OTOP2: variants seen among roughly 807,000 people sequenced by gnomAD.
The protein encoded by OTOP2 is proton channel OTOP2.
In OTOP2, 41 loss-of-function variants were observed where a neutral mutation model predicts 47.4. That is an observed-to-expected ratio of 0.87 (90% CI 0.67 to 1.12). OTOP2 has a LOEUF of 1.12. OTOP2 is among the 50% of genes most tolerant of loss of function. The probability of loss-of-function intolerance (pLI) is 0.00; values close to 1 mark genes in which losing one functional copy is unlikely to be tolerated. For synonymous variants in OTOP2, 328 were observed against 319.6 expected, an observed-to-expected ratio of 1.03 and a Z score of -0.28; for missense variants, 721 against 752.2, an observed-to-expected ratio of 0.96 and a Z score of 0.49.
intron 6 of OTOP2, among the ~76,000 whole-genome samples, chr17:74,931,707 C>G (rs1398742303): frequency 2.0e-5 from 3 of 152,150 alleles, no homozygotes; most frequent in South Asian, 2.1e-4. Flanking sequence ...GTAATCCCAG[C>G]ACTTTGGGAG....
Position 74,930,428 on chromosome 17 carries a change from G to A in OTOP2, c.793G>A (p.Val265Met). The A allele has an allele frequency of 6.2e-7, 1 of 1,614,174 alleles. No individual in the cohort carries two copies. Among genetic ancestry groups the A allele is most frequent in the Non-Finnish European group, 8.5e-7 (1 of 1,180,016 alleles). The change falls in exon 6 of 7, where the codon GTG (valine) becomes ATG (methionine). Residue 265 changes from valine (V) to methionine (M), a missense_variant. Transcript: ENST00000331427. The surrounding 1 kb of genome is among the most constrained non-coding windows in gnomAD (Gnocchi z 4.0). ...STMLYVMWKN[V>M]GRFLASTPGH... ...CATGCTGTATGTCATGTGGAAGAAT[G>A]TGGGTAGATTCCTGGCCTCCACCCC...
At chr17:74,931,226 C>T (rs750742592) in intron 6 of OTOP2, 73 bp downstream of exon 6, 21 of 1,509,096 alleles carry the variant, frequency 1.4e-5, no homozygotes, top group Non-Finnish European at 1.8e-5. Context: ...AGGCTTAAGC[C>T]CTTAGCCTTC....
At chr17:74,926,919 A>G (rs2039012992) in intron 3 of OTOP2, among the ~76,000 whole-genome samples, 1 of 151,778 alleles carries the variant, frequency 6.6e-6, no homozygotes, top group Non-Finnish European at 1.5e-5. Context: ...CCATGCCCAG[A>G]TAATTTTTTG....
chr17:74,928,822 C>T (rs140180723), intron 5 of OTOP2, among the ~76,000 whole-genome samples: 45 of 152,334 alleles, frequency 3.0e-4, no homozygotes, highest in African/African-American at 6.5e-4. Flanking sequence ...AAGACATGCA[C>T]GCTCCTAGCA....
At chr17:74,927,986 G>A (rs2039025141) in intron 5 of OTOP2, 188 bp downstream of exon 5, 1 of 771,130 alleles carries the variant, frequency 1.3e-6, no homozygotes, top group East Asian at 2.9e-5. Flanking sequence ...GGAAGTATCA[G>A]GGGTACCCTT....
chr17:74,930,321 G>T lies in OTOP2; in HGVS notation c.686G>T (p.Ser229Ile). ...NPVGGDSCLC[S>I]TAVCQIFQQG... The stretch of plus-strand genomic sequence containing the variant: ...GTCGGAGGAGACTCCTGCCTCTGCA[G>T]CACGGCCGTCTGCCAGATCTTCCAG... Residue 229 changes from serine to isoleucine, a missense_variant, in exon 6 of 7, where the codon AGC becomes ATC. By Grantham distance (142) the Ser-to-Ile change is moderately radical (BLOSUM62 -2). Coordinates refer to ENST00000331427, the MANE Select transcript of OTOP2 (RefSeq NM_178160.3). The surrounding 1 kb of genome is among the most constrained non-coding windows in gnomAD (Gnocchi z 4.0). 1.2e-6 allele frequency: 2 copies of T among 1,614,078 alleles called. No homozygotes were observed. The highest frequency in any genetic ancestry group is 1.7e-6 in the Non-Finnish European group (2 of 1,179,974).
Position 74,925,560 on chromosome 17 carries a change from G to T in OTOP2, c.318G>T (p.Gly106=). The T allele has an allele frequency of 6.2e-7, 1 of 1,613,914 alleles. No individual in the cohort carries two copies. Among genetic ancestry groups the T allele is most frequent in the Non-Finnish European group, 8.5e-7 (1 of 1,179,904 alleles). ...CCACCCACCCCTGGTTTCCAGGTGG[G>T]CTGGTGCTGTTTGGAATCTGCACCC... ...AHAGPIWLRG[G]LVLFGICTLI... The change falls in exon 3 of 7, where the codon GGG becomes GGT. Residue 106 remains glycine, a synonymous_variant. Coordinates refer to ENST00000331427, the MANE Select transcript of OTOP2 (RefSeq NM_178160.3).
chr17:74,932,949 T>C (rs1456375451), intron 6 of OTOP2, among the ~76,000 whole-genome samples: 1 of 152,106 alleles, frequency 6.6e-6, no homozygotes, highest in Admixed American at 6.5e-5. Flanking sequence ...GGTGGCCTTC[T>C]GTCTGAACCC....
chr17:74,933,816 G>A lies in OTOP2; in HGVS notation c.*271G>A. 1 of 362,368 alleles carries A rather than the reference G, an allele frequency of 2.8e-6. No individual in the cohort carries two copies. 22.4% of individuals were successfully genotyped at this position (362,368 alleles called of 1,614,324 possible). A position where few individuals can be genotyped will look rare whatever the true frequency, so the allele number is the denominator to read the frequency against. On this transcript the variant is annotated 3_prime_UTR_variant, in exon 7 of 7. Coordinates refer to ENST00000331427, the MANE Select transcript of OTOP2 (RefSeq NM_178160.3). This position sits in a 1 kb window ranked among gnomAD's most constrained non-coding sequence, Gnocchi z 4.7. The stretch of plus-strand genomic sequence containing the variant: ...GCATTTCTAGGACCCAACAAGATCT[G>A]GAGGTGCCGGCTCTGGTTCCATCTC...
rs11650478 is a variant in OTOP2 at position 74,933,605 on chromosome 17, A to G, written c.*60A>G. On this transcript the variant is annotated 3_prime_UTR_variant, in exon 7 of 7. Transcript: ENST00000331427. The surrounding 1 kb of genome is among the most constrained non-coding windows in gnomAD (Gnocchi z 4.7). ...GGGCTCAGCTCATGTGCCCACTCAG[A>G]CACCCTCTGGGAATGAATCCCAGCT... 15,789 of 1,504,858 alleles carry G rather than the reference A, an allele frequency of 0.01. 132 individuals are homozygous for G. Among genetic ancestry groups the G allele is most frequent in the South Asian group, 0.028 (2,232 of 79,098 alleles). The allele number at this position is 1,504,858 out of a possible 1,614,324, so 93.2% of individuals were successfully genotyped here.
intron 5 of OTOP2, among the ~76,000 whole-genome samples, chr17:74,929,441 TTTGA>T (rs1393026647): frequency 1.3e-5 from 2 of 151,324 alleles, no homozygotes; most frequent in Non-Finnish European, 3.0e-5. Flanking sequence ...TGTTTGTTTG[TTTGA>T]GACAGAGTCT....
Position 74,933,881 on chromosome 17 carries a change from C to G in OTOP2, c.*336C>G, listed in dbSNP as rs1450491228. 3 of 211,176 alleles carry G rather than the reference C, an allele frequency of 1.4e-5. No homozygotes were observed. Among genetic ancestry groups the G allele is most frequent in the East Asian group, 1.0e-4 (1 of 9,530 alleles). The allele number at this position is 211,176 out of a possible 1,614,324, so 13.1% of individuals were successfully genotyped here. On this transcript the variant is annotated 3_prime_UTR_variant, in exon 7 of 7. Transcript: ENST00000331427. The surrounding 1 kb of genome is among the most constrained non-coding windows in gnomAD (Gnocchi z 4.7). ...GGCCTGGCCAGTGTACTGCCCGGAG[C>G]TGGAAACCAATAAACCTGTGATTTG...
In OTOP2 at chr17:74,924,487, C is replaced by T. The variant is rs867325287; in HGVS notation, c.-33-113C>T. The T allele has an allele frequency of 5.2e-6, 5 of 954,196 alleles. No homozygotes were observed. Among genetic ancestry groups the T allele is most frequent in the Admixed American group, 3.1e-5 (1 of 31,762 alleles). The allele number at this position is 954,196 out of a possible 1,614,324, so 59.1% of individuals were successfully genotyped here. A position where few individuals can be genotyped will look rare whatever the true frequency, so the allele number is the denominator to read the frequency against. ...CTTTCCCAGCGCTTCCTCCAGCACC[C>T]GAAGCCCCAACCCTGCGGGTCAGGA... On this transcript the variant is annotated intron_variant, in intron 1 of 6. Coordinates refer to ENST00000331427, the MANE Select transcript of OTOP2 (RefSeq NM_178160.3). The surrounding 1 kb of genome is among the most constrained non-coding windows in gnomAD (Gnocchi z 7.7).
At chr17:74,929,892 C>G (rs531097913) in intron 5 of OTOP2, among the ~76,000 whole-genome samples, 3,080 of 152,256 alleles carry the variant, frequency 0.02, 100 homozygotes, top group African/African-American at 0.07. Context: ...TAACAAAGGT[C>G]ACAAGCTAGG....
chr17:74,925,597 G>A lies in OTOP2; in HGVS notation c.355G>A (p.Val119Ile), dbSNP rs2038999813. 1.2e-6 allele frequency: 2 copies of A among 1,614,154 alleles called. No homozygotes were observed. Among genetic ancestry groups the A allele is most frequent in the Non-Finnish European group, 1.7e-6 (2 of 1,180,028 alleles). ...TGGAATCTGCACCCTCATCATGGAT[G>A]TCTTCAAGACCGGCTACTACTCCAG... ...LFGICTLIMD[V>I]FKTGYYSSFF... Residue 119 changes from valine to isoleucine, a missense_variant, in exon 3 of 7, where the codon GTC (valine) becomes ATC (isoleucine). Coordinates refer to ENST00000331427, the MANE Select transcript of OTOP2 (RefSeq NM_178160.3).
chr17:74,927,139 A>T, intron 3 of OTOP2, 84 bp from the exon 4 acceptor site: 7 of 1,252,168 alleles, frequency 5.6e-6, no homozygotes, highest in Non-Finnish European at 8.2e-6. Flanking sequence ...TCAGGCGGAG[A>T]GAACAAGATG....
At chr17:74,926,355 G>T (rs1196172683) in intron 3 of OTOP2, among the ~76,000 whole-genome samples, 1 of 152,124 alleles carries the variant, frequency 6.6e-6, no homozygotes, top group African/African-American at 2.4e-5. Context: ...TTATGGGTTT[G>T]AAGAATACTC....
chr17:74,926,732 C>T (rs1395566867), intron 3 of OTOP2, among the ~76,000 whole-genome samples: 1 of 151,936 alleles, frequency 6.6e-6, no homozygotes, highest in Non-Finnish European at 1.5e-5. Flanking sequence ...GTGCTCCCCA[C>T]CTAATTTTTT....
chr17:74,925,300 G>A (rs560829514), intron 2 of OTOP2, among the ~76,000 whole-genome samples: 1 of 152,008 alleles, frequency 6.6e-6, no homozygotes. Context: ...AAGAGAGGGG[G>A]GCTTGGTAGC....
Sources: allele counts gnomAD v4.1 joint callset (sites outside exome capture counted in the v4.1 genomes callset), GRCh38; gene constraint gnomAD v4.1.1; non-coding constraint Gnocchi (gnomAD v3.1); transcripts MANE v1.5; gene names NCBI Gene and HGNC (gene_info 2026-07-23, HGNC 2026-07-21).